The following TMEM131 variants were observed in gnomAD, a reference collection of about 807,000 sequenced individuals.
TMEM131 encodes transmembrane protein 131.
Under a neutral mutation model 211.6 loss-of-function variants are expected in TMEM131, and 66 were observed. The observed-to-expected ratio is 0.31, with a 90% confidence interval of 0.26 to 0.38. The LOEUF (loss-of-function observed/expected upper bound fraction) is 0.38, where lower values mean the gene tolerates loss of function less well. TMEM131 is among the 10% of genes least tolerant of loss of function. TMEM131 has a pLI of 1.00. For synonymous variants in TMEM131, 844 were observed against 841.3 expected, an observed-to-expected ratio of 1.00 and a Z score of -0.06; for missense variants, 2,036 against 2,299.3, an observed-to-expected ratio of 0.89 and a Z score of 2.34.
chr2:97,963,511 TTG>T (rs1019585729), intron 1 of TMEM131, among the ~76,000 whole-genome samples: 5 of 152,226 alleles, frequency 3.3e-5, no homozygotes, highest in Admixed American at 3.3e-4. Context: ...GGTCAGAAGT[TTG>T]TGACCAGCCT....
chr2:97,993,837 A>T (rs1457077669), intron 1 of TMEM131, among the ~76,000 whole-genome samples: 1 of 152,236 alleles, frequency 6.6e-6, no homozygotes, highest in Non-Finnish European at 1.5e-5. Flanking sequence ...TTGTTTACTT[A>T]ACTTTACCCA....
In TMEM131 at chr2:97,797,504, G is replaced by T; in HGVS notation, c.2731C>A (p.Gln911Lys). 1 of 1,611,520 alleles carries T rather than the reference G, an allele frequency of 6.2e-7. No homozygotes were observed. The highest frequency in any genetic ancestry group is 8.5e-7 in the Non-Finnish European group (1 of 1,178,838). ...CCCTCCATAAATCCTGTTGAACTCTGCAGTGGATGAGCCTTGAATCATTGG... is the reference window on the plus strand; with the variant it reads ...CCCTCCATAAATCCTGTTGAACTCTTCAGTGGATGAGCCTTGAATCATTGG... ...QVFRNSAHPL[Q>K]SSTGFMEGLS... Residue 911 changes from glutamine to lysine, a missense_variant, in exon 26 of 41, where the codon CAG (glutamine) becomes AAG (lysine). Around this residue, in one of 3 missense-constraint regions of TMEM131, gnomAD observed 1,623 missense variants for 1,805.9 expected, o/e 0.90. Coordinates refer to ENST00000186436, the MANE Select transcript of TMEM131 (RefSeq NM_015348.2).
At chr2:97,943,036 G>GAAAAGAAAGAAAGA (rs1677844841) in intron 1 of TMEM131, among the ~76,000 whole-genome samples, 1 of 31,678 alleles carries the variant, frequency 3.2e-5, no homozygotes, top group Non-Finnish European at 6.7e-5. Flanking sequence ...GAAAAGAAAA[G>GAAAAGAAAGAAAGA]AAAAGAAAGA....
At chr2:97,933,406 A>G (rs1677312790) in intron 1 of TMEM131, among the ~76,000 whole-genome samples, 1 of 152,228 alleles carries the variant, frequency 6.6e-6, no homozygotes, top group South Asian at 2.1e-4. Flanking sequence ...CTCACATGAA[A>G]AATGTAGAAT....
intron 31 of TMEM131, among the ~76,000 whole-genome samples, chr2:97,787,390 G>A (rs962307002): frequency 2.0e-5 from 3 of 152,184 alleles, no homozygotes; most frequent in South Asian, 2.1e-4. Flanking sequence ...GTGGTCCCAC[G>A]TTAGGCCCTG....
At chr2:97,867,414 T>G (rs1284584970) in intron 4 of TMEM131, among the ~76,000 whole-genome samples, 1 of 152,234 alleles carries the variant, frequency 6.6e-6, no homozygotes, top group African/African-American at 2.4e-5. Flanking sequence ...CTCCCTGGAT[T>G]GACCCTTTTG....
At chr2:97,838,307 T>C (rs1683024890) in intron 7 of TMEM131, among the ~76,000 whole-genome samples, 1 of 151,982 alleles carries the variant, frequency 6.6e-6, no homozygotes, top group African/African-American at 2.4e-5. Context: ...TTTAATTCAA[T>C]TAAATTTGGG....
chr2:97,964,022 C>G (rs896761460), intron 1 of TMEM131, among the ~76,000 whole-genome samples: 1 of 152,260 alleles, frequency 6.6e-6, no homozygotes, highest in African/African-American at 2.4e-5. Context: ...GTATAGTGTA[C>G]AGTAATATTC....
At position 97,795,451 on chromosome 2, in the gene TMEM131, T is replaced by C. The variant is rs534461554; in HGVS notation, c.3201-336A>G. 5.3e-5 allele frequency among the ~76,000 whole-genome samples: 8 copies of C among 152,322 alleles called. No individual in the cohort carries two copies. In the East Asian group the frequency reaches 1.5e-3, roughly 29 times the overall value. ...CTCTTTTCCCAGGCTACAATCCCAA[T>C]AATGTCTTTTTTAAAAAAACAAACC... is the stretch of plus-strand genomic sequence containing the variant. On this transcript the variant is annotated intron_variant, in intron 28 of 40. Transcript: ENST00000186436.
At chr2:97,830,132 T>TAAAAA (rs60531384) in intron 11 of TMEM131, among the ~76,000 whole-genome samples, 15,119 of 71,792 alleles carry the variant, frequency 0.21, 1,768 homozygotes, top group Non-Finnish European at 0.28. Context: ...CATTATCAGT[T>TAAAAA]AAAAAAAAAA....
rs565311005 is a variant in TMEM131 at position 97,908,742 on chromosome 2, A to T, written c.250-44T>A. The T allele has an allele frequency of 6.2e-5, 94 of 1,507,458 alleles. 2 individuals carry two copies. In the Middle Eastern group the frequency reaches 1.8e-3, roughly 30 times the overall value. The allele number at this position is 1,507,458 out of a possible 1,614,324, so 93.4% of individuals were successfully genotyped here. ...AATGATTAAAAAACTGAAGCCAAAT[A>T]TTTATATTACAGACATATGGAATAT... On this transcript the variant is annotated intron_variant, in intron 2 of 40. Transcript: ENST00000186436.
chr2:97,802,589 A>C, intron 23 of TMEM131, 52 bp from the exon 24 acceptor site: 1 of 1,603,050 alleles, frequency 6.2e-7, no homozygotes. Context: ...GTTAAAGCTA[A>C]GAGTAAATAC....
Position 97,856,809 on chromosome 2 carries a change from T to C in TMEM131, c.483+2495A>G, listed in dbSNP as rs138801787. The stretch of plus-strand genomic sequence containing the variant: ...TCGAGCTTAAGTCAGTGTCTTATTG[T>C]AGGGAAAAAAAGATGCAAAGCAAGA... On this transcript the variant is annotated intron_variant, in intron 5 of 40. Transcript: ENST00000186436. Among the ~76,000 whole-genome samples the C allele has an allele frequency of 7.2e-5, 11 of 152,176 alleles. No homozygotes were observed. In the East Asian group the frequency reaches 1.7e-3, roughly 24 times the overall value.
intron 7 of TMEM131, among the ~76,000 whole-genome samples, chr2:97,840,947 T>C (rs1683166965): frequency 6.6e-6 from 1 of 152,252 alleles, no homozygotes; most frequent in Non-Finnish European, 1.5e-5. Flanking sequence ...TTCCATTGTT[T>C]ATGAACAGTT....
chr2:97,893,722 C>G (rs1675481259), intron 3 of TMEM131, among the ~76,000 whole-genome samples: 1 of 150,186 alleles, frequency 6.7e-6, no homozygotes, highest in African/African-American at 2.4e-5. Context: ...ATCCTTCACC[C>G]ACTTTTTGAT....
intron 1 of TMEM131, among the ~76,000 whole-genome samples, chr2:97,943,037 A>AAAAGGAAAGAAAGAAAGAAAG (rs1677845812): frequency 1.5e-5 from 1 of 66,000 alleles, no homozygotes; most frequent in African/African-American, 6.1e-5. Flanking sequence ...AAAAGAAAAG[A>AAAAGGAAAGAAAGAAAGAAAG]AAAGAAAGAA....
At chr2:97,838,426 C>CTTTTTTTTTTT (rs753635047) in intron 7 of TMEM131, among the ~76,000 whole-genome samples, 3 of 89,092 alleles carry the variant, frequency 3.4e-5, no homozygotes, top group African/African-American at 8.5e-5. Context: ...TAAGCTTAAA[C>CTTTTTTTTTTT]TTTTTTTTTT....
At chr2:97,833,508 A>T (rs1380846916) in intron 10 of TMEM131, 82 bp from the exon 11 acceptor site, 3 of 653,382 alleles carry the variant, frequency 4.6e-6, no homozygotes, top group Non-Finnish European at 8.0e-6. Context: ...AAGATATCAA[A>T]TTGAAGCTAT....
intron 31 of TMEM131, among the ~76,000 whole-genome samples, chr2:97,790,162 T>C (rs901163345): frequency 6.6e-6 from 1 of 152,190 alleles, no homozygotes; most frequent in African/African-American, 2.4e-5. Flanking sequence ...GGGTAGGCTT[T>C]TGAAAGATTA....
Sources: allele counts gnomAD v4.1 joint callset (sites outside exome capture counted in the v4.1 genomes callset), GRCh38; gene constraint gnomAD v4.1.1; regional missense constraint gnomAD v4.1.1; transcripts MANE v1.5; gene names NCBI Gene and HGNC (gene_info 2026-07-23, HGNC 2026-07-21).